The following SCN8A variants were observed in gnomAD, a reference collection of about 807,000 sequenced individuals.
The protein encoded by SCN8A is sodium voltage-gated channel alpha subunit 8.
A neutral mutation model predicts 184.1 loss-of-function variants in SCN8A; 30 were observed. The observed-to-expected ratio is 0.16, with a 90% CI of 0.12 to 0.22. SCN8A has a LOEUF of 0.22. SCN8A is among the 10% of genes least tolerant of loss of function. The probability of loss-of-function intolerance (pLI) is 1.00; values close to 1 mark genes in which losing one functional copy is unlikely to be tolerated. For synonymous variants in SCN8A, 852 were observed against 907.0 expected, an observed-to-expected ratio of 0.94 and a Z score of 1.09; for missense variants, 1,057 against 2,498.9, an observed-to-expected ratio of 0.42 and a Z score of 12.30.
At chr12:51,647,338 A>G (rs1011398827) in intron 1 of SCN8A, among the ~76,000 whole-genome samples, 27 of 152,248 alleles carry the variant, frequency 1.8e-4, no homozygotes, top group African/African-American at 6.3e-4. Context: ...GGGGGAAGAC[A>G]TACATGTAAG....
intron 25 of SCN8A, among the ~76,000 whole-genome samples, chr12:51,793,339 A>G (rs1938318215): frequency 6.6e-6 from 1 of 152,126 alleles, no homozygotes; most frequent in Admixed American, 6.5e-5. Context: ...AATTGAGATG[A>G]GAGGAACAAG....
chr12:51,636,986 A>AT (rs1014521363), intron 1 of SCN8A, among the ~76,000 whole-genome samples: 6 of 151,838 alleles, frequency 4.0e-5, no homozygotes, highest in African/African-American at 1.5e-4. Context: ...TGTCGGGACC[A>AT]TTTTTTCCAG....
At chr12:51,672,924 A>C in intron 2 of SCN8A, among the ~76,000 whole-genome samples, 1 of 152,208 alleles carries the variant, frequency 6.6e-6, no homozygotes, top group South Asian at 2.1e-4. Flanking sequence ...TATGTGGTAG[A>C]GTCAGGTTTC....
intron 26 of SCN8A, among the ~76,000 whole-genome samples, chr12:51,800,884 C>A (rs774356399): frequency 2.6e-5 from 4 of 152,172 alleles, no homozygotes; most frequent in African/African-American, 7.2e-5. Flanking sequence ...TATAAATTGT[C>A]AGTAGTGTAG....
intron 1 of SCN8A, among the ~76,000 whole-genome samples, chr12:51,621,106 T>C (rs1939952300): frequency 6.6e-6 from 1 of 152,224 alleles, no homozygotes; most frequent in Admixed American, 6.5e-5. Context: ...TTCAGGTATT[T>C]ATCCTTGGTC....
chr12:51,726,877 T>G (rs1473759505), intron 12 of SCN8A, among the ~76,000 whole-genome samples: 1 of 152,134 alleles, frequency 6.6e-6, no homozygotes, highest in South Asian at 2.1e-4. Flanking sequence ...TATTGTACAA[T>G]TATTTTAAAG....
chr12:51,791,416 G>A (rs1245907529), intron 25 of SCN8A, among the ~76,000 whole-genome samples: 1 of 152,138 alleles, frequency 6.6e-6, no homozygotes, highest in Admixed American at 6.5e-5. Flanking sequence ...AGGGCAGATT[G>A]AAAACCACCA....
intron 18 of SCN8A, 103 bp from the exon 19 acceptor site, chr12:51,770,426 G>A: frequency 3.9e-6 from 5 of 1,269,054 alleles, no homozygotes; most frequent in Non-Finnish European, 5.4e-6. Flanking sequence ...CCTCCTGGCT[G>A]TGTGGTGGGG....
intron 1 of SCN8A, among the ~76,000 whole-genome samples, chr12:51,604,709 T>C (rs896401419): frequency 1.3e-5 from 2 of 152,062 alleles, no homozygotes; most frequent in Middle Eastern, 3.2e-3. Context: ...GTATTTTTCT[T>C]TTTTAGTAGA....
chr12:51,665,970 G>A (rs956803314), intron 2 of SCN8A, among the ~76,000 whole-genome samples: 1 of 152,156 alleles, frequency 6.6e-6, no homozygotes, highest in Non-Finnish European at 1.5e-5. Flanking sequence ...GCTGAGTCAG[G>A]AGAATCACTT....
At chr12:51,644,780 A>G (rs1389355867) in intron 1 of SCN8A, among the ~76,000 whole-genome samples, 1 of 149,750 alleles carries the variant, frequency 6.7e-6, no homozygotes, top group Non-Finnish European at 1.5e-5. Context: ...CATCCCATCT[A>G]GGAAGTGAGG....
Position 51,751,430 on chromosome 12 carries a change from A to G in SCN8A, c.2207A>G (p.His736Arg). The change falls in exon 14 of 27, where the codon CAC (histidine) becomes CGC (arginine). Residue 736 changes from histidine to arginine, a missense_variant. Around this residue, in one of 19 missense-constraint regions of SCN8A, gnomAD observed 322 missense variants for 390.1 expected, o/e 0.83. Coordinates refer to ENST00000627620, the MANE Select transcript of SCN8A (RefSeq NM_001330260.2). Reference sequence around the variant, plus strand: ...AACACTTTCCTCATCTGGGAGTGCCACCCCTACTGGATAAAACTGAAAGAG... The same window carrying G: ...AACACTTTCCTCATCTGGGAGTGCCGCCCCTACTGGATAAAACTGAAAGAG... ...FANTFLIWEC[H>R]PYWIKLKEIV... 6.2e-7 allele frequency: 1 copy of G among 1,613,908 alleles called. No homozygotes were observed. Among genetic ancestry groups the G allele is most frequent in the Non-Finnish European group, 8.5e-7 (1 of 1,179,856 alleles).
chr12:51,593,692 TG>T (rs757820931), intron 1 of SCN8A, among the ~76,000 whole-genome samples: 1 of 151,828 alleles, frequency 6.6e-6, no homozygotes, highest in African/African-American at 2.4e-5. Flanking sequence ...AGTTTTTTTT[TG>T]CTTTTTATTA....
At chr12:51,637,625 A>G (rs3912919) in intron 1 of SCN8A, among the ~76,000 whole-genome samples, 148,030 of 152,288 alleles carry the variant, frequency 0.97, 72,092 homozygotes, top group East Asian at 1. Context: ...ATTCTATGAA[A>G]GCTGAGGGAG....
chr12:51,730,107 A>G (rs965645732), intron 12 of SCN8A, among the ~76,000 whole-genome samples: 1 of 151,948 alleles, frequency 6.6e-6, no homozygotes, highest in Non-Finnish European at 1.5e-5. Flanking sequence ...GGCTTTTTGC[A>G]TCCTGTTCAA....
intron 1 of SCN8A, among the ~76,000 whole-genome samples, chr12:51,610,075 CAGG>C (rs1939686432): frequency 6.8e-6 from 1 of 146,974 alleles, no homozygotes; most frequent in Non-Finnish European, 1.5e-5. Flanking sequence ...GAGGCTGAGG[CAGG>C]AGAACTGCTT....
intron 2 of SCN8A, among the ~76,000 whole-genome samples, chr12:51,669,840 C>T (rs1188480075): frequency 6.6e-6 from 1 of 152,152 alleles, no homozygotes; most frequent in East Asian, 1.9e-4. Context: ...AAATCCTTGC[C>T]AAAACTGTGC....
rs528514747 is a variant in SCN8A at position 51,780,565 on chromosome 12, CTTTTTTTTTTTTTTTTTTTTTT to C, written c.3820-66_3820-45del. 8.8e-4 allele frequency: 263 copies of C among 297,786 alleles called. 2 individuals are homozygous for C. Among genetic ancestry groups the C allele is most frequent in the South Asian group, 2.4e-3 (28 of 11,736 alleles). The allele number at this position is 297,786 out of a possible 1,614,324, so 18.4% of individuals were successfully genotyped here. A position where few individuals can be genotyped will look rare whatever the true frequency, so the allele number is the denominator to read the frequency against. On this transcript the variant is annotated intron_variant, in intron 20 of 26. Coordinates refer to ENST00000627620, the MANE Select transcript of SCN8A (RefSeq NM_001330260.2). ...ACACTCTGGAACCTCTGTTTTCTTT[CTTTTTTTTTTTTTTTTTTTTTT>C]TTTTTTTTTTTTTTTTTGGTTACCT...
At chr12:51,631,041 C>T (rs1418939910) in intron 1 of SCN8A, among the ~76,000 whole-genome samples, 1 of 152,208 alleles carries the variant, frequency 6.6e-6, no homozygotes, top group Non-Finnish European at 1.5e-5. Flanking sequence ...GAGGTCCCAT[C>T]ATCAAGCGTT....
Sources: allele counts gnomAD v4.1 joint callset (sites outside exome capture counted in the v4.1 genomes callset), GRCh38; gene constraint gnomAD v4.1.1; regional missense constraint gnomAD v4.1.1; transcripts MANE v1.5; gene names NCBI Gene and HGNC (gene_info 2026-07-23, HGNC 2026-07-21).